NRXN1: variants seen among roughly 807,000 people sequenced by gnomAD.
NRXN1 encodes the protein neurexin 1.
A neutral mutation model predicts 150.9 loss-of-function variants in NRXN1; 39 were observed. The observed-to-expected ratio is 0.26, with a 90% CI of 0.20 to 0.34. The LOEUF (loss-of-function observed/expected upper bound fraction) is 0.34, where lower values mean the gene tolerates loss of function less well. NRXN1 is among the 10% of genes least tolerant of loss of function. The pLI, the probability that NRXN1 is intolerant of heterozygous loss-of-function variation, is 1.00. For synonymous variants in NRXN1, 924 were observed against 757.0 expected (o/e 1.22, Z -3.62); for missense variants, 1,815 against 1,949.9 (o/e 0.93, Z 1.30).
chr2:50,001,203 C>T (rs1389457095), intron 21 of NRXN1, among the ~76,000 whole-genome samples: 2 of 152,068 alleles, frequency 1.3e-5, no homozygotes, highest in Non-Finnish European at 2.9e-5. Context: ...GTGTCCTTAT[C>T]ACAAACTGTG....
chr2:50,009,726 A>G (rs1406165767), intron 21 of NRXN1, among the ~76,000 whole-genome samples: 2 of 152,198 alleles, frequency 1.3e-5, no homozygotes, highest in African/African-American at 2.4e-5. Context: ...TAGTCGCCTG[A>G]CAATTATTAA....
At chr2:50,697,699 T>A (rs1053418863) in intron 5 of NRXN1, among the ~76,000 whole-genome samples, 7 of 152,200 alleles carry the variant, frequency 4.6e-5, no homozygotes, top group African/African-American at 1.7e-4. Flanking sequence ...TTTCTTCAAA[T>A]CCTCAAATAA....
chr2:50,113,441 T>G (rs939307275), intron 18 of NRXN1, among the ~76,000 whole-genome samples: 2 of 152,242 alleles, frequency 1.3e-5, no homozygotes, highest in African/African-American at 4.8e-5. Flanking sequence ...AATTAATATC[T>G]GCTTTTCTCT....
intron 18 of NRXN1, among the ~76,000 whole-genome samples, chr2:50,182,658 G>A (rs976586123): frequency 1.2e-4 from 18 of 151,802 alleles, no homozygotes; most frequent in Admixed American, 7.2e-4. Flanking sequence ...TTCCTTCTTC[G>A]AGCTGTCGCC....
intron 21 of NRXN1, among the ~76,000 whole-genome samples, chr2:49,961,320 GCA>G (rs71401054): frequency 0.09 from 13,023 of 145,050 alleles, 996 homozygotes; most frequent in African/African-American, 0.21. Flanking sequence ...GCGCACGCAT[GCA>G]CACACACACA....
At chr2:50,546,034 A>C (rs1215835286) in intron 9 of NRXN1, among the ~76,000 whole-genome samples, 1 of 152,126 alleles carries the variant, frequency 6.6e-6, no homozygotes, top group Non-Finnish European at 1.5e-5. Context: ...TCCATAGTTG[A>C]TTGAATCCAC....
chr2:50,610,009 T>A (rs1239176514), intron 8 of NRXN1, among the ~76,000 whole-genome samples: 1 of 152,130 alleles, frequency 6.6e-6, no homozygotes, highest in Admixed American at 6.6e-5. Context: ...TTAAAAGCAA[T>A]TAATTTGTTT....
At chr2:50,240,207 A>G (rs547784590) in intron 17 of NRXN1, among the ~76,000 whole-genome samples, 7 of 151,810 alleles carry the variant, frequency 4.6e-5, no homozygotes, top group Admixed American at 3.3e-4. Flanking sequence ...AAAACAAAGC[A>G]AAAAAATCGC....
chr2:51,012,273 CTG>C (rs1346625961), intron 2 of NRXN1, among the ~76,000 whole-genome samples: 1 of 151,804 alleles, frequency 6.6e-6, no homozygotes. Flanking sequence ...TTAGTGCAAA[CTG>C]TTTTATTTTG....
At chr2:50,439,880 T>C (rs951158100) in intron 17 of NRXN1, among the ~76,000 whole-genome samples, 1 of 151,444 alleles carries the variant, frequency 6.6e-6, no homozygotes, top group Non-Finnish European at 1.5e-5. Context: ...TTTTCCATAA[T>C]AGATTTATCT....
chr2:50,852,402 T>C (rs1337273684), intron 5 of NRXN1, among the ~76,000 whole-genome samples: 1 of 152,220 alleles, frequency 6.6e-6, no homozygotes, highest in East Asian at 1.9e-4. Context: ...TTTCATTTTC[T>C]TTTGTTGTTA....
chr2:50,558,004 G>C (rs1337840441), intron 8 of NRXN1, among the ~76,000 whole-genome samples: 3 of 152,134 alleles, frequency 2.0e-5, no homozygotes, highest in African/African-American at 7.2e-5. Flanking sequence ...CCTAGGAGTT[G>C]TATTTTCACC....
In NRXN1 at chr2:50,347,193, G is replaced by C. The variant is rs1046856708; in HGVS notation, c.3365-110223C>G. On this transcript the variant is annotated intron_variant, in intron 17 of 22. Coordinates refer to ENST00000401669, the MANE Select transcript of NRXN1 (RefSeq NM_001330078.2). This position sits in a 1 kb window ranked among gnomAD's most constrained non-coding sequence, Gnocchi z 4.9. ...AATGCAGCTGGAGAGGGGCTTGTCC[G>C]GAAAGGCAGCCCCGGGAACAGCAAG... The C allele has an allele frequency of 7.4e-7, 1 of 1,351,798 alleles. No individual in the cohort carries two copies. The highest frequency in any genetic ancestry group is 9.7e-7 in the Non-Finnish European group (1 of 1,030,912). The allele number at this position is 1,351,798 out of a possible 1,614,324, so 83.7% of individuals were successfully genotyped here.
intron 2 of NRXN1, among the ~76,000 whole-genome samples, chr2:51,005,977 C>A (rs900864524): frequency 3.3e-5 from 5 of 151,442 alleles, no homozygotes; most frequent in Non-Finnish European, 4.4e-5. Context: ...CAAAAGCAAG[C>A]AGGGGCAGTC....
intron 17 of NRXN1, among the ~76,000 whole-genome samples, chr2:50,379,033 C>G (rs569798364): frequency 1.3e-3 from 197 of 152,024 alleles, no homozygotes; most frequent in African/African-American, 4.4e-3. Context: ...GAGTATCTGT[C>G]ATGCAGCAGG....
chr2:50,713,972 C>T (rs568904600), intron 5 of NRXN1, among the ~76,000 whole-genome samples: 15 of 151,982 alleles, frequency 9.9e-5, no homozygotes, highest in Admixed American at 6.6e-4. Flanking sequence ...TCCTCAACAA[C>T]GATATAAATA....
intron 5 of NRXN1, among the ~76,000 whole-genome samples, chr2:50,793,688 C>T (rs72889426): frequency 0.027 from 4,157 of 151,952 alleles, 210 homozygotes; most frequent in African/African-American, 0.095. Context: ...AGATAAAAAT[C>T]CAAAGGGACA....
chr2:50,794,745 G>A (rs1574497636), intron 5 of NRXN1, among the ~76,000 whole-genome samples: 1 of 152,062 alleles, frequency 6.6e-6, no homozygotes, highest in African/African-American at 2.4e-5. Context: ...TGTCAAATAA[G>A]CAATATATTA....
intron 8 of NRXN1, among the ~76,000 whole-genome samples, chr2:50,610,027 G>T (rs1677769992): frequency 6.6e-6 from 1 of 152,064 alleles, no homozygotes; most frequent in East Asian, 1.9e-4. Flanking sequence ...TTTTAAATGT[G>T]TTTCAAGAGT....
Sources: gnomAD v4.1 joint callset for allele counts (sites outside exome capture counted in the v4.1 genomes callset) on GRCh38, gnomAD v4.1.1 for gene constraint, Gnocchi (gnomAD v3.1) non-coding constraint, MANE v1.5 for transcripts, NCBI Gene and HGNC (gene_info 2026-07-23, HGNC 2026-07-21) for gene names.